Variants in CDC73 observed in about 807,000 individuals in gnomAD.
The protein encoded by CDC73 is cell division cycle 73.
Under a neutral mutation model 83.7 loss-of-function variants are expected in CDC73, and 21 were observed. The observed-to-expected ratio is 0.25, with a 90% CI of 0.18 to 0.36. CDC73 has a LOEUF of 0.36. Ranked by LOEUF, CDC73 falls within the 10% of genes least tolerant of loss-of-function variation. The probability of loss-of-function intolerance (pLI) is 1.00; values close to 1 mark genes in which losing one functional copy is unlikely to be tolerated. For missense variants in CDC73, 342 were observed against 653.3 expected, an observed-to-expected ratio of 0.52 and a Z score of 5.19; for synonymous variants, 224 against 212.9, an observed-to-expected ratio of 1.05 and a Z score of -0.45.
At chr1:193,131,769 A>C (rs1675698223) in intron 3 of CDC73, among the ~76,000 whole-genome samples, 1 of 152,182 alleles carries the variant, frequency 6.6e-6, no homozygotes. Flanking sequence ...TATTTCATTT[A>C]GATCTGTGCT....
intron 9 of CDC73, among the ~76,000 whole-genome samples, chr1:193,151,398 G>C (rs754915468): frequency 2.2e-4 from 33 of 152,256 alleles, no homozygotes; most frequent in Non-Finnish European, 2.9e-4. Flanking sequence ...ATAAAGCAGA[G>C]GTTGATAAAT....
Position 193,180,956 on chromosome 1 carries a change from G to A in CDC73, c.973-22839G>A, listed in dbSNP as rs1382754851. The A allele has an allele frequency of 2.2e-5, 36 of 1,613,248 alleles. No homozygotes were observed. Among genetic ancestry groups the A allele is most frequent in the Non-Finnish European group, 2.8e-5 (33 of 1,179,938 alleles). ...TGTCTGCTTTCTTCCAGTATTGCAC[G>A]TTGAAGGTAGCCATTTAGCTTAATA... On this transcript the variant is annotated intron_variant, in intron 10 of 16. Coordinates refer to ENST00000367435, the MANE Select transcript of CDC73 (RefSeq NM_024529.5).
At chr1:193,131,635 C>T (rs1675695117) in intron 3 of CDC73, among the ~76,000 whole-genome samples, 1 of 152,322 alleles carries the variant, frequency 6.6e-6, no homozygotes, top group South Asian at 2.1e-4. Flanking sequence ...TTCTACCATT[C>T]TTCCTTTGCT....
chr1:193,223,425 A>T (rs1354324883), intron 13 of CDC73, among the ~76,000 whole-genome samples: 1 of 152,160 alleles, frequency 6.6e-6, no homozygotes, highest in African/African-American at 2.4e-5. Flanking sequence ...GAGGTTTTAA[A>T]TATCTAGATA....
At chr1:193,207,330 C>T (rs1039716461) in intron 11 of CDC73, among the ~76,000 whole-genome samples, 2 of 152,162 alleles carry the variant, frequency 1.3e-5, no homozygotes. Context: ...ATGTCCCTCT[C>T]TGCACATATT....
At chr1:193,186,965 T>C (rs1476926481) in intron 10 of CDC73, among the ~76,000 whole-genome samples, 1 of 152,152 alleles carries the variant, frequency 6.6e-6, no homozygotes. Flanking sequence ...TGTGTGTAAG[T>C]TGGTGTAATT....
intron 7 of CDC73, among the ~76,000 whole-genome samples, chr1:193,145,604 G>T (rs1029980854): frequency 1.3e-5 from 2 of 152,088 alleles, no homozygotes; most frequent in Non-Finnish European, 2.9e-5. Flanking sequence ...ATTTTTAAAA[G>T]AATTTAAATT....
intron 2 of CDC73, among the ~76,000 whole-genome samples, chr1:193,129,613 A>G (rs1675658675): frequency 6.6e-6 from 1 of 151,740 alleles, no homozygotes; most frequent in African/African-American, 2.4e-5. Flanking sequence ...CCTGGGTTCC[A>G]GTGATTCTCC....
intron 10 of CDC73, among the ~76,000 whole-genome samples, chr1:193,195,486 G>A (rs938138415): frequency 5.3e-5 from 8 of 152,028 alleles, no homozygotes; most frequent in African/African-American, 1.4e-4. Flanking sequence ...GTTTAAGTCC[G>A]TGATTTCAAA....
At position 193,252,150 on chromosome 1, in the gene CDC73, G is replaced by A. The variant is rs1678053503; in HGVS notation, c.*1438G>A. 2 of 230,722 alleles carry A rather than the reference G, an allele frequency of 8.7e-6. No individual in the cohort carries two copies. The highest frequency in any genetic ancestry group is 2.2e-5 in the African/African-American group (1 of 45,194). 14.3% of individuals were successfully genotyped at this position (230,722 alleles called of 1,614,324 possible). The stretch of plus-strand genomic sequence containing the variant: ...ATATTTATTCACATGATATTTACAA[G>A]GCTCTTCAGAAGGGAACAGTCAGCA... On this transcript the variant is annotated 3_prime_UTR_variant, in exon 17 of 17. Coordinates refer to ENST00000367435, the MANE Select transcript of CDC73 (RefSeq NM_024529.5).
intron 3 of CDC73, among the ~76,000 whole-genome samples, chr1:193,133,837 A>C (rs1191509811): frequency 6.6e-6 from 1 of 152,206 alleles, no homozygotes; most frequent in Admixed American, 6.5e-5. Flanking sequence ...AGAAAAGGTG[A>C]TAAAATCATG....
rs1390446814 is a variant in CDC73 at position 193,150,240 on chromosome 1, C to T, written c.829-64C>T. 4.2e-6 allele frequency: 5 copies of T among 1,189,704 alleles called. No homozygotes were observed. The Admixed American group carries it at 8.7e-5, about 21-fold the overall frequency. 73.7% of individuals were successfully genotyped at this position (1,189,704 alleles called of 1,614,324 possible). A position where few individuals can be genotyped will look rare whatever the true frequency, so the allele number is the denominator to read the frequency against. On this transcript the variant is annotated intron_variant, in intron 8 of 16. Transcript: ENST00000367435. ...GAGCCATGGTCATGCTACTGCACTC[C>T]AGCACATTAAATAAGTGACATTTAA...
intron 10 of CDC73, among the ~76,000 whole-genome samples, chr1:193,169,512 C>T (rs1338027998): frequency 6.6e-6 from 1 of 151,956 alleles, no homozygotes; most frequent in African/African-American, 2.4e-5. Context: ...ATCACTGCAC[C>T]CCAGCCTGGG....
intron 13 of CDC73, among the ~76,000 whole-genome samples, chr1:193,223,332 T>C (rs1355837828): frequency 2.0e-5 from 3 of 152,192 alleles, no homozygotes; most frequent in Non-Finnish European, 2.9e-5. Context: ...ATGACAGAAC[T>C]CCAGAGAAGA....
At chr1:193,188,395 C>G (rs564167711) in intron 10 of CDC73, among the ~76,000 whole-genome samples, 1 of 150,410 alleles carries the variant, frequency 6.6e-6, no homozygotes, top group Non-Finnish European at 1.5e-5. Context: ...TATCATTATT[C>G]TCTGTTCTTA....
At chr1:193,218,900 A>C (rs1677414630) in intron 13 of CDC73, among the ~76,000 whole-genome samples, 1 of 152,252 alleles carries the variant, frequency 6.6e-6, no homozygotes, top group African/African-American at 2.4e-5. Context: ...AAAAACAAAA[A>C]TAGACAAATG....
intron 13 of CDC73, among the ~76,000 whole-genome samples, chr1:193,231,628 A>G (rs997702410): frequency 6.6e-6 from 1 of 152,174 alleles, no homozygotes; most frequent in African/African-American, 2.4e-5. Context: ...TCTGGGGGAA[A>G]TTTTTAAATG....
At chr1:193,213,525 A>G (rs560923295) in intron 13 of CDC73, among the ~76,000 whole-genome samples, 38 of 152,330 alleles carry the variant, frequency 2.5e-4, no homozygotes, top group Non-Finnish European at 5.0e-4. Context: ...CAAAAATTGT[A>G]ATACATACTC....
intron 13 of CDC73, among the ~76,000 whole-genome samples, chr1:193,228,239 A>G (rs1274005475): frequency 6.6e-6 from 1 of 152,134 alleles, no homozygotes; most frequent in East Asian, 1.9e-4. Flanking sequence ...CATAGTTTTT[A>G]TTACTGGCAC....
Sources: allele counts gnomAD v4.1 joint callset (sites outside exome capture counted in the v4.1 genomes callset), GRCh38; gene constraint gnomAD v4.1.1; transcripts MANE v1.5; gene names NCBI Gene and HGNC (gene_info 2026-07-23, HGNC 2026-07-21).